Variants in ADGRB1 observed in about 807,000 individuals in gnomAD.
The protein encoded by ADGRB1 is brain-specific angiogenesis inhibitor 1.
A neutral mutation model predicts 175.7 loss-of-function variants in ADGRB1; 36 were observed. The observed-to-expected ratio is 0.20, with a 90% CI of 0.16 to 0.27. ADGRB1 has a LOEUF of 0.27. ADGRB1 is among the 10% of genes least tolerant of loss of function. The pLI, the probability that ADGRB1 is intolerant of heterozygous loss-of-function variation, is 1.00. For synonymous variants in ADGRB1, 1,054 were observed against 979.4 expected (o/e 1.08, Z -1.42); for missense variants, 1,731 against 2,255.3 (o/e 0.77, Z 4.71).
intron 2 of ADGRB1, among the ~76,000 whole-genome samples, chr8:142,469,201 GTGTGAATGTGTGTGCATATC>G (rs1156722568): frequency 6.6e-6 from 1 of 152,006 alleles, no homozygotes; most frequent in Non-Finnish European, 1.5e-5. Context: ...ACATGTGCAT[GTGTGAATGTGTGTGCATATC>G]TGTGAATGTG....
In ADGRB1 at chr8:142,542,360, C is replaced by T. The variant is rs747841845; in HGVS notation, c.4126C>T (p.Arg1376Cys). 5 of 1,597,432 alleles carry T rather than the reference C, an allele frequency of 3.1e-6. No homozygotes were observed. The highest frequency in any genetic ancestry group is 4.3e-6 in the Non-Finnish European group (5 of 1,173,074). ...CCACATTGACCAGATGCCGCAGACC[C>T]GCCTCATCCACCTCAGCACGGCCCC... The part of the protein sequence containing the change: ...SIHIDQMPQT[R>C]LIHLSTAPEA... The change falls in exon 28 of 31, where the codon CGC (arginine) becomes TGC (cysteine). Residue 1376 changes from arginine (R) to cysteine (C), a missense_variant. Physicochemically the swap from Arg to Cys is radical, Grantham distance 180. Around this residue, in one of 8 missense-constraint regions of ADGRB1, gnomAD observed 394 missense variants for 410.2 expected, o/e 0.96. Transcript: ENST00000517894. The surrounding 1 kb of genome is among the most constrained non-coding windows in gnomAD (Gnocchi z 6.3).
At chr8:142,459,395 G>A (rs998110311) in intron 1 of ADGRB1, among the ~76,000 whole-genome samples, 1 of 152,170 alleles carries the variant, frequency 6.6e-6, no homozygotes, top group African/African-American at 2.4e-5. Context: ...GGGAGCCGAG[G>A]CCAGAGGTAC....
At chr8:142,460,464 G>A (rs996040672) in intron 1 of ADGRB1, among the ~76,000 whole-genome samples, 1 of 152,228 alleles carries the variant, frequency 6.6e-6, no homozygotes, top group African/African-American at 2.4e-5. Context: ...GCCTGGGCGG[G>A]GAGCAGCTCA....
At chr8:142,485,076 T>C (rs1447558822) in intron 13 of ADGRB1, among the ~76,000 whole-genome samples, 2 of 152,018 alleles carry the variant, frequency 1.3e-5, no homozygotes, top group Non-Finnish European at 2.9e-5. Flanking sequence ...TGTGGAGCTT[T>C]AGAGGCAGGG....
chr8:142,537,553 C>T lies in ADGRB1; in HGVS notation c.3666+471C>T, dbSNP rs1845007373. On this transcript the variant is annotated intron_variant, in intron 26 of 30. Coordinates refer to ENST00000517894, the MANE Select transcript of ADGRB1 (RefSeq NM_001702.3). This position sits in a 1 kb window ranked among gnomAD's most constrained non-coding sequence, Gnocchi z 4.6. ...CCCACCTGCTGCCTCCCTGGCGCTCCCTGGGTGCTGCCCAGTCCTCAGCCC... is the reference window on the plus strand; with the variant it reads ...CCCACCTGCTGCCTCCCTGGCGCTCTCTGGGTGCTGCCCAGTCCTCAGCCC... Among the ~76,000 whole-genome samples the T allele has an allele frequency of 6.6e-6, 1 of 152,086 alleles. No homozygotes were observed. The highest frequency in any genetic ancestry group is 6.5e-5 in the Admixed American group (1 of 15,282).
rs1227184524 is a variant in ADGRB1 at position 142,542,943 on chromosome 8, G to C, written c.4413+296G>C. Among the ~76,000 whole-genome samples, 2 of 152,210 alleles carry C rather than the reference G, an allele frequency of 1.3e-5. No homozygotes were observed. Among genetic ancestry groups the C allele is most frequent in the Non-Finnish European group, 2.9e-5 (2 of 68,022 alleles). On this transcript the variant is annotated intron_variant, in intron 28 of 30. Coordinates refer to ENST00000517894, the MANE Select transcript of ADGRB1 (RefSeq NM_001702.3). The surrounding 1 kb of genome is among the most constrained non-coding windows in gnomAD (Gnocchi z 6.3). ...AGTCGCTAGTCCAGCCCTTGGGGCA[G>C]CCTGGCAGCACATACCTGCCTAGGT... is the stretch of plus-strand genomic sequence containing the variant.
intron 18 of ADGRB1, among the ~76,000 whole-genome samples, chr8:142,516,482 C>G (rs540017154): frequency 1.2e-5 from 1 of 84,166 alleles, no homozygotes; most frequent in African/African-American, 4.7e-5. Flanking sequence ...TGTGTGTGTG[C>G]GCGCGCGTGT....
chr8:142,520,443 G>GTAC (rs1843749519), intron 19 of ADGRB1, among the ~76,000 whole-genome samples: 4 of 133,130 alleles, frequency 3.0e-5, no homozygotes, highest in Non-Finnish European at 4.7e-5. Flanking sequence ...GATGATGGTG[G>GTAC]TGATGGTGAT....
At chr8:142,477,077 G>C (rs1452881138) in intron 4 of ADGRB1, 37 bp from the exon 5 acceptor site, 2 of 1,495,094 alleles carry the variant, frequency 1.3e-6, no homozygotes, top group South Asian at 2.6e-5. Flanking sequence ...GCAGCCCCAT[G>C]GGCGGCAGGC....
intron 2 of ADGRB1, among the ~76,000 whole-genome samples, chr8:142,470,790 C>T (rs1331150024): frequency 6.6e-6 from 1 of 152,120 alleles, no homozygotes; most frequent in Non-Finnish European, 1.5e-5. Context: ...TGACCTCCCC[C>T]TCCCTGCCCT....
chr8:142,521,071 G>A (rs907664435), intron 20 of ADGRB1, 146 bp downstream of exon 20: 25 of 749,950 alleles, frequency 3.3e-5, no homozygotes, highest in Non-Finnish European at 4.9e-5. Flanking sequence ...GCTACAGGGA[G>A]TTCCCTGCCC....
At position 142,533,378 on chromosome 8, in the gene ADGRB1, G is replaced by A. The variant is rs1844737940; in HGVS notation, c.3482G>A (p.Arg1161His). The change falls in exon 25 of 31, where the codon CGC becomes CAC. Residue 1161 changes from arginine (R) to histidine (H), a missense_variant. Arg to His is a conservative substitution (Grantham distance 29, BLOSUM62 0). This residue lies in a region of ADGRB1 where 301 missense variants were observed against 488.4 expected (regional missense o/e 0.62). Coordinates refer to ENST00000517894, the MANE Select transcript of ADGRB1 (RefSeq NM_001702.3). ...GCTGTGCTCGCCGTCACCGACCGCC[G>A]CTCCGCCCTCTTCCAGATCCTCTTC... ...MSAVLAVTDR[R>H]SALFQILFAV... 3 of 1,609,902 alleles carry A rather than the reference G, an allele frequency of 1.9e-6. No homozygotes were observed. The highest frequency in any genetic ancestry group is 1.3e-5 in the African/African-American group (1 of 74,898).
Position 142,450,515 on chromosome 8 carries a change from G to A in ADGRB1, c.-220+411G>A, listed in dbSNP as rs550286155. 2.6e-5 allele frequency among the ~76,000 whole-genome samples: 4 copies of A among 151,968 alleles called. No homozygotes were observed. The South Asian group carries it at 8.3e-4, about 31-fold the overall frequency. ...CACACAGACGCTGGCGGGGGTCTAA[G>A]GGAGCCCCCCATGGCCCCCAACAGC... is the stretch of plus-strand genomic sequence containing the variant. On this transcript the variant is annotated intron_variant, in intron 1 of 30. Transcript: ENST00000517894.
At chr8:142,479,530 T>A in intron 8 of ADGRB1, 43 bp downstream of exon 8, 1 of 1,517,082 alleles carries the variant, frequency 6.6e-7, no homozygotes, top group Non-Finnish European at 8.8e-7. Flanking sequence ...GGAGGGCTGA[T>A]GGCGATTGGG....
Position 142,516,912 on chromosome 8 carries a change from G to A in ADGRB1, c.2818-1226G>A, listed in dbSNP as rs1463890036. On this transcript the variant is annotated intron_variant, in intron 18 of 30. Transcript: ENST00000517894. ...CAGCCTGAGTCCCCTCCCCAGCTTT[G>A]CACGCCCTTCAGCCACCTGACTTCC... Among the ~76,000 whole-genome samples, 7 of 152,278 alleles carry A rather than the reference G, an allele frequency of 4.6e-5. No individual in the cohort carries two copies. The East Asian group carries it at 1.2e-3, about 25-fold the overall frequency.
Position 142,504,902 on chromosome 8 carries a change from T to C in ADGRB1, c.2676-6030T>C, listed in dbSNP as rs1409188926. 6.6e-6 allele frequency among the ~76,000 whole-genome samples: 1 copy of C among 152,122 alleles called. No individual in the cohort carries two copies. Among genetic ancestry groups the C allele is most frequent in the African/African-American group, 2.4e-5 (1 of 41,408 alleles). On this transcript the variant is annotated intron_variant, in intron 17 of 30. Transcript: ENST00000517894. This position sits in a 1 kb window ranked among gnomAD's most constrained non-coding sequence, Gnocchi z 5.6. ...GTGTGCTGTGCCCACTCCTGGCTTC[T>C]TTCTGTTATGTGGGAGGACACCCTG...
rs1841319589 is a variant in ADGRB1 at position 142,481,240 on chromosome 8, G to C, written c.1829-14G>C. On this transcript the variant is annotated splice_polypyrimidine_tract_variant and intron_variant, in intron 9 of 30. Coordinates refer to ENST00000517894, the MANE Select transcript of ADGRB1 (RefSeq NM_001702.3). ...GCAGCGGGCATCCACCTGAGAAGGG[G>C]ATGGTCTCCCCAGGACTCATCCTGC... The C allele has an allele frequency of 1.9e-6, 3 of 1,612,594 alleles. No homozygotes were observed. Among genetic ancestry groups the C allele is most frequent in the Admixed American group, 1.7e-5 (1 of 59,994 alleles).
At chr8:142,478,068 C>T (rs978727418) in intron 6 of ADGRB1, 119 bp from the exon 7 acceptor site, 7 of 1,371,460 alleles carry the variant, frequency 5.1e-6, no homozygotes, top group Non-Finnish European at 7.0e-6. Context: ...AGGGTGTTCT[C>T]ATCTATGTCC....
chr8:142,497,564 G>T (rs1178075793), intron 17 of ADGRB1, among the ~76,000 whole-genome samples: 1 of 152,206 alleles, frequency 6.6e-6, no homozygotes, highest in Non-Finnish European at 1.5e-5. Context: ...AAGAGCCTCA[G>T]TATCTGCACC....
Sources: gnomAD v4.1 joint callset for allele counts (sites outside exome capture counted in the v4.1 genomes callset) on GRCh38, gnomAD v4.1.1 for gene constraint, gnomAD v4.1.1 regional missense constraint, Gnocchi (gnomAD v3.1) non-coding constraint, MANE v1.5 for transcripts, NCBI Gene and HGNC (gene_info 2026-07-23, HGNC 2026-07-21) for gene names.